ROBO2: variants seen among roughly 807,000 people sequenced by gnomAD.
ROBO2 encodes the protein roundabout homolog 2.
ROBO2 carries 53 observed loss-of-function variants against 160.8 expected under a neutral mutation model. The observed-to-expected ratio is 0.33, with a 90% CI of 0.26 to 0.41. The LOEUF is 0.41. ROBO2 is among the 10% of genes least tolerant of loss of function. The pLI is 1.00. For missense variants in ROBO2, 1,577 were observed against 1,722.4 expected, an observed-to-expected ratio of 0.92 and a Z score of 1.49; for synonymous variants, 664 against 611.7, an observed-to-expected ratio of 1.09 and a Z score of -1.26.
chr3:76,621,288 C>T (rs1006146617), intron 2 of ROBO2, among the ~76,000 whole-genome samples: 3 of 152,024 alleles, frequency 2.0e-5, no homozygotes, highest in African/African-American at 7.2e-5. Flanking sequence ...GCTGTGTGTA[C>T]TCATATCCTT....
intron 2 of ROBO2, among the ~76,000 whole-genome samples, chr3:77,002,355 G>C (rs1404816497): frequency 1.3e-5 from 2 of 151,364 alleles, no homozygotes; most frequent in African/African-American, 4.8e-5. Context: ...TAAATCTTAA[G>C]GATGACTCTG....
intron 2 of ROBO2, among the ~76,000 whole-genome samples, chr3:77,220,304 C>T (rs1288065680): frequency 6.6e-6 from 1 of 152,156 alleles, no homozygotes; most frequent in African/African-American, 2.4e-5. Flanking sequence ...GCCACTGCGC[C>T]TGGCCGAGAA....
chr3:76,188,220 T>C (rs1204290141), intron 2 of ROBO2, among the ~76,000 whole-genome samples: 1 of 152,052 alleles, frequency 6.6e-6, no homozygotes, highest in Non-Finnish European at 1.5e-5. Flanking sequence ...TGTGACCTTT[T>C]TGGAAACAGG....
chr3:76,467,043 C>A (rs1478021414), intron 2 of ROBO2, among the ~76,000 whole-genome samples: 3 of 151,800 alleles, frequency 2.0e-5, no homozygotes. Context: ...TATACTACAC[C>A]ATGTAATTGT....
chr3:76,413,110 C>T (rs1362542989), intron 2 of ROBO2, among the ~76,000 whole-genome samples: 4 of 152,206 alleles, frequency 2.6e-5, no homozygotes, highest in Non-Finnish European at 5.9e-5. Context: ...TGTACATTGG[C>T]CCCTTTCAGC....
At chr3:76,283,362 A>G (rs1169987629) in intron 2 of ROBO2, among the ~76,000 whole-genome samples, 3 of 151,530 alleles carry the variant, frequency 2.0e-5, no homozygotes, top group Non-Finnish European at 2.9e-5. Context: ...CTCATATGCA[A>G]TAGGAACCAC....
At position 77,005,896 on chromosome 3, in the gene ROBO2, A is replaced by T. The variant is rs375803087; in HGVS notation, c.110-92118A>T. On this transcript the variant is annotated intron_variant, in intron 2 of 26. Coordinates refer to the ROBO2 transcript ENST00000487694. ...ATTCTGTCTCTTTGTCCTTCAAAGA[A>T]TATATTGGTTTTCTGAATTGTTGCT... 2.6e-5 allele frequency among the ~76,000 whole-genome samples: 4 copies of T among 152,328 alleles called. No individual in the cohort carries two copies. The East Asian group carries it at 7.7e-4, about 29-fold the overall frequency.
intron 2 of ROBO2, among the ~76,000 whole-genome samples, chr3:76,987,354 G>T (rs1234199917): frequency 6.6e-6 from 1 of 152,092 alleles, no homozygotes; most frequent in Admixed American, 6.5e-5. Flanking sequence ...CGTGTAGTGG[G>T]GGGGAGGGAA....
intron 2 of ROBO2, among the ~76,000 whole-genome samples, chr3:76,294,702 A>G (rs1708981557): frequency 6.6e-6 from 1 of 152,228 alleles, no homozygotes; most frequent in Admixed American, 6.5e-5. Context: ...TGACAAGTGG[A>G]ATATTTGTCT....
At chr3:77,364,253 A>G (rs1458029776) in intron 2 of ROBO2, among the ~76,000 whole-genome samples, 1 of 151,904 alleles carries the variant, frequency 6.6e-6, no homozygotes, top group East Asian at 1.9e-4. Context: ...CCACTTGTTG[A>G]ACTATATTCT....
chr3:76,416,772 C>A (rs1286270306), intron 2 of ROBO2, among the ~76,000 whole-genome samples: 1 of 151,742 alleles, frequency 6.6e-6, no homozygotes, highest in Non-Finnish European at 1.5e-5. Flanking sequence ...TCTCTCTCAT[C>A]ATCTGCGCCG....
At chr3:76,192,524 CCACACACACACA>C (rs3039244) in intron 2 of ROBO2, among the ~76,000 whole-genome samples, 3,343 of 130,130 alleles carry the variant, frequency 0.026, 41 homozygotes, top group East Asian at 0.081. Context: ...CAACACTCCA[CCACACACACACA>C]CACACACACA....
chr3:76,538,864 T>G (rs980547485), intron 2 of ROBO2, among the ~76,000 whole-genome samples: 1 of 152,182 alleles, frequency 6.6e-6, no homozygotes, highest in Non-Finnish European at 1.5e-5. Flanking sequence ...CCAAACATTT[T>G]ACATTTTAAT....
intron 2 of ROBO2, among the ~76,000 whole-genome samples, chr3:76,901,466 G>T (rs2075222527): frequency 6.7e-6 from 1 of 150,280 alleles, no homozygotes; most frequent in Admixed American, 6.7e-5. Flanking sequence ...TACTTGAAAG[G>T]CTGAGGCAGG....
chr3:77,338,658 C>A (rs887057429), intron 2 of ROBO2, among the ~76,000 whole-genome samples: 5 of 151,980 alleles, frequency 3.3e-5, no homozygotes, highest in Admixed American at 1.3e-4. Flanking sequence ...TTGACGTGAA[C>A]ATATTTTTCA....
chr3:76,836,188 A>T (rs1192927001), intron 2 of ROBO2, among the ~76,000 whole-genome samples: 2 of 151,992 alleles, frequency 1.3e-5, no homozygotes, highest in Non-Finnish European at 2.9e-5. Context: ...TGAACTATAG[A>T]GCTGTGCTTT....
intron 1 of ROBO2, among the ~76,000 whole-genome samples, chr3:77,061,533 A>G (rs1018488427): frequency 6.6e-6 from 1 of 152,214 alleles, no homozygotes; most frequent in Non-Finnish European, 1.5e-5. Flanking sequence ...GGTTTTTGAA[A>G]TCAGTAACGG....
chr3:77,215,566 T>C (rs2084815357), intron 2 of ROBO2, among the ~76,000 whole-genome samples: 2 of 152,202 alleles, frequency 1.3e-5, no homozygotes, highest in South Asian at 4.1e-4. Context: ...TCTGAAGCCT[T>C]CCTCTCTCAA....
chr3:77,640,749 T>C (rs374354704), intron 24 of ROBO2, among the ~76,000 whole-genome samples: 1 of 152,350 alleles, frequency 6.6e-6, no homozygotes, highest in East Asian at 1.9e-4. Context: ...TAAATGTATT[T>C]GATTACATAC....
Sources: gnomAD v4.1 joint callset for allele counts (sites outside exome capture counted in the v4.1 genomes callset) on GRCh38, gnomAD v4.1.1 for gene constraint, MANE v1.5 for transcripts, NCBI Gene and HGNC (gene_info 2026-07-23, HGNC 2026-07-21) for gene names.